Variants in CSMD1 observed in about 807,000 individuals in gnomAD.
CSMD1 encodes CUB and Sushi multiple domains 1.
A neutral mutation model predicts 417.5 loss-of-function variants in CSMD1; 213 were observed. The observed-to-expected ratio is 0.51, with a 90% CI of 0.46 to 0.57. CSMD1 has a LOEUF of 0.57. Ranked by LOEUF, CSMD1 falls within the 20% of genes least tolerant of loss-of-function variation. The pLI is 0.00. For missense variants in CSMD1, 6,923 were observed against 4,529.7 expected, an observed-to-expected ratio of 1.53 and a Z score of -15.17; for synonymous variants, 2,862 against 1,736.8, an observed-to-expected ratio of 1.65 and a Z score of -16.11.
chr8:3,848,036 T>C (rs1361571270), intron 5 of CSMD1, among the ~76,000 whole-genome samples: 1 of 152,132 alleles, frequency 6.6e-6, no homozygotes, highest in Non-Finnish European at 1.5e-5. Flanking sequence ...CATGTTTTTA[T>C]TTTGTCTAAT....
chr8:3,187,621 C>T (rs1045855983), intron 36 of CSMD1, among the ~76,000 whole-genome samples: 3 of 152,124 alleles, frequency 2.0e-5, no homozygotes, highest in Non-Finnish European at 4.4e-5. Context: ...TGAGACCTGC[C>T]GCATGTCAAA....
At chr8:4,237,753 T>G (rs138224412) in intron 3 of CSMD1, among the ~76,000 whole-genome samples, 8 of 152,296 alleles carry the variant, frequency 5.3e-5, no homozygotes, top group African/African-American at 1.9e-4. Context: ...GCTCAAGTGA[T>G]CCTTCTTCCT....
intron 5 of CSMD1, among the ~76,000 whole-genome samples, chr8:3,937,758 G>A (rs1039008132): frequency 2.6e-5 from 4 of 152,024 alleles, no homozygotes; most frequent in African/African-American, 9.7e-5. Context: ...TGATTAAGAT[G>A]TAATATATTT....
intron 1 of CSMD1, among the ~76,000 whole-genome samples, chr8:4,919,031 G>T (rs1458843810): frequency 1.3e-5 from 2 of 152,156 alleles, no homozygotes; most frequent in African/African-American, 4.8e-5. Context: ...TTAGGTGCAG[G>T]GACGAATGTA....
At chr8:3,550,760 G>A (rs767188437) in intron 10 of CSMD1, among the ~76,000 whole-genome samples, 4 of 152,184 alleles carry the variant, frequency 2.6e-5, no homozygotes, top group African/African-American at 9.7e-5. Context: ...AACCAGGCTT[G>A]CACCACATAT....
At chr8:4,205,032 G>T (rs530175168) in intron 3 of CSMD1, among the ~76,000 whole-genome samples, 1 of 152,182 alleles carries the variant, frequency 6.6e-6, no homozygotes, top group African/African-American at 2.4e-5. Context: ...TCAAGCAAGA[G>T]TAATTTACCT....
At chr8:4,784,480 G>A (rs928561748) in intron 1 of CSMD1, among the ~76,000 whole-genome samples, 2 of 152,178 alleles carry the variant, frequency 1.3e-5, no homozygotes, top group Admixed American at 6.5e-5. Flanking sequence ...AATTTTAACT[G>A]CTGTTTTACA....
chr8:2,976,455 G>A (rs1489626816), intron 55 of CSMD1, among the ~76,000 whole-genome samples: 2 of 152,082 alleles, frequency 1.3e-5, no homozygotes, highest in Non-Finnish European at 2.9e-5. Context: ...AAGTGATCCT[G>A]CCACCTCAGC....
chr8:4,572,356 T>C (rs960201942), intron 2 of CSMD1, among the ~76,000 whole-genome samples: 4 of 152,228 alleles, frequency 2.6e-5, no homozygotes, highest in African/African-American at 9.7e-5. Context: ...TGGAGGATTT[T>C]ATTTCTCCTT....
intron 18 of CSMD1, among the ~76,000 whole-genome samples, chr8:3,380,999 G>A (rs1409585088): frequency 1.3e-5 from 2 of 152,106 alleles, no homozygotes; most frequent in Non-Finnish European, 2.9e-5. Flanking sequence ...ATGTGAGAAG[G>A]TTGTTTTGAG....
intron 1 of CSMD1, among the ~76,000 whole-genome samples, chr8:4,838,223 G>C (rs1202905555): frequency 2.0e-5 from 3 of 152,182 alleles, no homozygotes; most frequent in Non-Finnish European, 4.4e-5. Context: ...GATCTCCTTA[G>C]GGTTTCGTTC....
At chr8:3,193,607 T>G (rs900781698) in intron 33 of CSMD1, among the ~76,000 whole-genome samples, 4 of 151,990 alleles carry the variant, frequency 2.6e-5, no homozygotes, top group African/African-American at 7.3e-5. Flanking sequence ...TATCCTTTAG[T>G]AAATATTTCA....
intron 5 of CSMD1, among the ~76,000 whole-genome samples, chr8:3,843,867 G>A (rs926081658): frequency 1.3e-5 from 2 of 152,212 alleles, no homozygotes; most frequent in Non-Finnish European, 1.5e-5. Flanking sequence ...AAGAGGGACA[G>A]ATATTGTGAG....
At chr8:3,793,950 ATGC>A (rs1359557396) in intron 5 of CSMD1, among the ~76,000 whole-genome samples, 2 of 152,084 alleles carry the variant, frequency 1.3e-5, no homozygotes, top group Admixed American at 6.5e-5. Context: ...AGCTGGGTAA[ATGC>A]TGCTATGTGT....
At chr8:3,448,749 C>A (rs575306745) in intron 12 of CSMD1, among the ~76,000 whole-genome samples, 2 of 152,236 alleles carry the variant, frequency 1.3e-5, no homozygotes, top group East Asian at 3.9e-4. Flanking sequence ...CAGAGGGATG[C>A]ATTACAGAGA....
chr8:3,634,904 A>G (rs1796957250), intron 7 of CSMD1, among the ~76,000 whole-genome samples: 3 of 152,180 alleles, frequency 2.0e-5, no homozygotes, highest in Admixed American at 1.3e-4. Context: ...GCTATAGGGT[A>G]CAGCCGCTTG....
chr8:4,286,898 G>T (rs111534989), intron 3 of CSMD1, among the ~76,000 whole-genome samples: 5 of 152,300 alleles, frequency 3.3e-5, no homozygotes, highest in African/African-American at 1.2e-4. Context: ...TGTGGCCAAG[G>T]AGTTGATTCA....
At chr8:3,528,506 G>A (rs1797845719) in intron 10 of CSMD1, among the ~76,000 whole-genome samples, 1 of 152,172 alleles carries the variant, frequency 6.6e-6, no homozygotes, top group Admixed American at 6.5e-5. Context: ...TAGGAACCCT[G>A]TGGGCTCTTC....
At chr8:4,678,132 C>CTT (rs569777931) in intron 1 of CSMD1, among the ~76,000 whole-genome samples, 1,688 of 148,586 alleles carry the variant, frequency 0.011, 35 homozygotes, top group African/African-American at 0.037. Context: ...AAGAATTTTT[C>CTT]TTTTTTTTTT....
Sources: gnomAD v4.1 joint callset for allele counts (sites outside exome capture counted in the v4.1 genomes callset) on GRCh38, gnomAD v4.1.1 for gene constraint, MANE v1.5 for transcripts, NCBI Gene and HGNC (gene_info 2026-07-23, HGNC 2026-07-21) for gene names.